The following DIP2A variants were observed in gnomAD, a reference collection of about 807,000 sequenced individuals.
The protein encoded by DIP2A is DIP2 acetate--CoA ligase A.
DIP2A carries 85 observed loss-of-function variants against 177.4 expected under a neutral mutation model. The observed-to-expected ratio is 0.48, with a 90% CI of 0.40 to 0.57. The LOEUF is 0.57. Ranked by LOEUF, DIP2A falls within the 20% of genes least tolerant of loss-of-function variation. DIP2A has a pLI of 0.00. For synonymous variants in DIP2A, 886 were observed against 881.8 expected (o/e 1.00, Z -0.08); for missense variants, 1,791 against 2,100.2 (o/e 0.85, Z 2.88).
chr21:46,503,625 T>C (rs1279920392), intron 5 of DIP2A, among the ~76,000 whole-genome samples: 3,471 of 133,700 alleles, frequency 0.026, 105 homozygotes, highest in African/African-American at 0.069. Context: ...TCTTTCTTTC[T>C]TTCTTTCTTT....
chr21:46,560,698 G>A, intron 32 of DIP2A, 24 bp from the exon 33 acceptor site: 1 of 1,599,144 alleles, frequency 6.3e-7, no homozygotes, highest in South Asian at 1.1e-5. Context: ...CTGAACAGAA[G>A]TTCCTCTGCT....
Position 46,566,498 on chromosome 21 carries a change from C to T in DIP2A, c.4340-62C>T, listed in dbSNP as rs1260580605. 1.4e-5 allele frequency: 22 copies of T among 1,606,770 alleles called. No homozygotes were observed. In the East Asian group the frequency reaches 2.0e-4, roughly 15 times the overall value. ...AGCCCCTGGTTGGGCTCAGAGGATA[C>T]GAATGTCCAGACTCTGCATGCCTTG... On this transcript the variant is annotated intron_variant, in intron 36 of 37. Transcript: ENST00000417564.
Position 46,556,289 on chromosome 21 carries a change from C to A in DIP2A, c.3498+198C>A. ...CCTGAGAGTAATGCGTTTTCTGATG[C>A]ATTATGGTTATGTCTAAACTTTCTG... On this transcript the variant is annotated intron_variant, in intron 29 of 37. Transcript: ENST00000417564. The surrounding 1 kb of genome is among the most constrained non-coding windows in gnomAD (Gnocchi z 4.5). 6.7e-7 allele frequency: 1 copy of A among 1,501,238 alleles called. No homozygotes were observed. Among genetic ancestry groups the A allele is most frequent in the Non-Finnish European group, 9.0e-7 (1 of 1,107,806 alleles). 93.0% of individuals were successfully genotyped at this position (1,501,238 alleles called of 1,614,324 possible).
Position 46,498,652 on chromosome 21 carries a change from G to C in DIP2A, c.474G>C (p.Gln158His), listed in dbSNP as rs764464736. 3.1e-6 allele frequency: 5 copies of C among 1,613,592 alleles called. No homozygotes were observed. Among genetic ancestry groups the C allele is most frequent in the South Asian group, 1.1e-5 (1 of 91,084 alleles). The stretch of plus-strand genomic sequence containing the variant: ...GGCGACTCACCTCCACTCCGCTCCA[G>C]AGCCATTCCAGCGTCGAGCCCTGGC... Reference protein sequence around the residue: ...RPGRLTSTPLQSHSSVEPWLD... With the variant: ...RPGRLTSTPLHSHSSVEPWLD... Residue 158 changes from glutamine (Q) to histidine (H), a missense_variant, in exon 5 of 38, where the codon CAG becomes CAC. Coordinates refer to ENST00000417564, the MANE Select transcript of DIP2A (RefSeq NM_015151.4). The surrounding 1 kb of genome is among the most constrained non-coding windows in gnomAD (Gnocchi z 4.3).
At chr21:46,554,356 C>G (rs2060378130) in intron 26 of DIP2A, 64 bp downstream of exon 26, 2 of 1,589,660 alleles carry the variant, frequency 1.3e-6, no homozygotes, top group Non-Finnish European at 1.7e-6. Flanking sequence ...CCTAAGCAGC[C>G]CCCTAGACAC....
chr21:46,513,875 A>G (rs2058424954), intron 8 of DIP2A, among the ~76,000 whole-genome samples: 1 of 152,140 alleles, frequency 6.6e-6, no homozygotes. Flanking sequence ...GAAATCCCAA[A>G]CACTTCTAAT....
downstream of DIP2A, among the ~76,000 whole-genome samples, chr21:46,571,000 A>T (rs2060957720): frequency 6.6e-6 from 1 of 152,210 alleles, no homozygotes; most frequent in Non-Finnish European, 1.5e-5. Flanking sequence ...CCTCAGTAAC[A>T]GGTCCCCAAG....
At chr21:46,577,727 A>T in the DIP2A span, among the ~76,000 whole-genome samples, 1 of 152,062 alleles carries the variant, frequency 6.6e-6, no homozygotes, top group Non-Finnish European at 1.5e-5. Flanking sequence ...TTTGGGGAGT[A>T]TGGCCATTTT....
At chr21:46,463,358 A>G (rs770456317) in intron 1 of DIP2A, 2 of 152,192 alleles carry the variant, frequency 1.3e-5, no homozygotes, top group Non-Finnish European at 2.9e-5. Context: ...TCTTGGAGCT[A>G]TTGCTGCTGA....
At chr21:46,549,289 C>T (rs777159130) in intron 21 of DIP2A, among the ~76,000 whole-genome samples, 2 of 152,114 alleles carry the variant, frequency 1.3e-5, no homozygotes, top group Admixed American at 6.5e-5. Flanking sequence ...AAGATATCAA[C>T]TCAAAGTCTA....
intron 5 of DIP2A, among the ~76,000 whole-genome samples, chr21:46,499,638 A>G (rs1230653214): frequency 6.6e-6 from 1 of 152,198 alleles, no homozygotes; most frequent in Non-Finnish European, 1.5e-5. Flanking sequence ...CATCTTAGAG[A>G]TGAAAAAAGT....
chr21:46,458,898 G>A lies in DIP2A; in HGVS notation c.-234G>A, dbSNP rs892866620. The A allele has an allele frequency of 4.1e-5, 9 of 219,292 alleles. No homozygotes were observed. Among genetic ancestry groups the A allele is most frequent in the Non-Finnish European group, 7.9e-5 (9 of 113,872 alleles). The allele number at this position is 219,292 out of a possible 1,614,324, so 13.6% of individuals were successfully genotyped here. ...CGCCGCGCACGCGCTCCCGTGTAGG[G>A]CCGGCCGGGCGCTCAGGAGCGCGCG... On this transcript the variant is annotated 5_prime_UTR_variant, in exon 1 of 38. Coordinates refer to ENST00000417564, the MANE Select transcript of DIP2A (RefSeq NM_015151.4).
chr21:46,459,527 C>CCT (rs1556023129), intron 1 of DIP2A, among the ~76,000 whole-genome samples: 1 of 106,800 alleles, frequency 9.4e-6, no homozygotes, highest in African/African-American at 3.0e-5. Context: ...GAACTCCCGC[C>CCT]CCTCACCCCC....
the DIP2A span, among the ~76,000 whole-genome samples, chr21:46,583,649 G>A: frequency 2.4e-4 from 36 of 152,294 alleles, no homozygotes; most frequent in Admixed American, 5.9e-4. Flanking sequence ...TGAGGGTTAT[G>A]TGCTCATTAA....
At chr21:46,463,678 A>G (rs908919272) in intron 1 of DIP2A, among the ~76,000 whole-genome samples, 21 of 98,752 alleles carry the variant, frequency 2.1e-4, no homozygotes, top group African/African-American at 8.1e-4. Flanking sequence ...TCTGGGATAT[A>G]TTTGTGTGTG....
the DIP2A span, among the ~76,000 whole-genome samples, chr21:46,581,893 T>C: frequency 6.6e-6 from 1 of 152,250 alleles, no homozygotes; most frequent in African/African-American, 2.4e-5. Context: ...TGACAACCCA[T>C]GTTGGGGGAT....
At chr21:46,503,612 CTTTCT>C (rs1471068013) in intron 5 of DIP2A, among the ~76,000 whole-genome samples, 797 of 79,554 alleles carry the variant, frequency 0.01, 10 homozygotes, top group African/African-American at 0.027. Context: ...TCCTTCCTTC[CTTTCT>C]TTCTTTCTTT....
In DIP2A at chr21:46,514,634, TTTTTTTG is replaced by T. The variant is rs1569013859; in HGVS notation, c.1102+3021_1102+3027del. Among the ~76,000 whole-genome samples, 16 of 137,096 alleles carry T rather than the reference TTTTTTTG, an allele frequency of 1.2e-4. 1 individual carries two copies. Among genetic ancestry groups the T allele is most frequent in the East Asian group, 2.1e-4 (1 of 4,876 alleles). The allele number at this position is 137,096 out of a possible 152,430, so 89.9% of individuals were successfully genotyped here. On this transcript the variant is annotated intron_variant, in intron 8 of 37. Coordinates refer to ENST00000417564, the MANE Select transcript of DIP2A (RefSeq NM_015151.4). Reference sequence around the variant, plus strand: ...CTTTTATTCTTTTTTTTTTTTTTTTTTTTTTTGGTTTTTTTTTTTTTGCACAAGCTAG... The same window carrying T: ...CTTTTATTCTTTTTTTTTTTTTTTTTGTTTTTTTTTTTTTGCACAAGCTAG...
intron 28 of DIP2A, 129 bp from the exon 29 acceptor site, chr21:46,555,853 C>A (rs950393419): frequency 9.3e-6 from 7 of 756,096 alleles, no homozygotes; most frequent in Admixed American, 1.9e-5. Context: ...CACGGCCCCA[C>A]TCCCGTCTGA....
Sources: gnomAD v4.1 joint callset for allele counts (sites outside exome capture counted in the v4.1 genomes callset) on GRCh38, gnomAD v4.1.1 for gene constraint, Gnocchi (gnomAD v3.1) non-coding constraint, MANE v1.5 for transcripts, NCBI Gene and HGNC (gene_info 2026-07-23, HGNC 2026-07-21) for gene names.